FAM149A: variants seen among roughly 807,000 people sequenced by gnomAD.
FAM149A encodes the protein protein FAM149A.
FAM149A carries 71 observed loss-of-function variants against 78.2 expected under a neutral mutation model. The ratio of observed to expected loss-of-function variants is 0.91; its 90% CI spans 0.75 to 1.11. The LOEUF (loss-of-function observed/expected upper bound fraction) is 1.11, where lower values mean the gene tolerates loss of function less well. Among genes scored for constraint, FAM149A ranks in the 50% least tolerant of loss-of-function variants. The pLI, the probability that FAM149A is intolerant of heterozygous loss-of-function variation, is 0.00. For synonymous variants in FAM149A, 446 were observed against 410.5 expected (o/e 1.09, Z -1.04); for missense variants, 1,036 against 971.0 (o/e 1.07, Z -0.89).
chr4:186,148,128 A>C (rs1262678096), intron 1 of FAM149A, among the ~76,000 whole-genome samples: 1 of 152,014 alleles, frequency 6.6e-6, no homozygotes, highest in Admixed American at 6.6e-5. Flanking sequence ...GGAGTTCGAG[A>C]CCAGCCTGGC....
intron 1 of FAM149A, chr4:186,109,192 A>T (rs1248528694): frequency 1.0e-6 from 1 of 985,176 alleles, no homozygotes; most frequent in Admixed American, 6.2e-5. Flanking sequence ...ATTCCTAGCA[A>T]TACGTAAGGT....
intron 8 of FAM149A, chr4:186,158,555 A>G: frequency 1.1e-6 from 1 of 917,536 alleles, no homozygotes; most frequent in Non-Finnish European, 1.3e-6. Flanking sequence ...GCCAAGGGGG[A>G]GTTTCAGGGG....
chr4:186,119,658 AT>A (rs746511779), intron 1 of FAM149A, among the ~76,000 whole-genome samples: 3 of 152,242 alleles, frequency 2.0e-5, no homozygotes, highest in African/African-American at 4.8e-5. Flanking sequence ...AATGTCAGTC[AT>A]GAGGATGAGG....
Position 186,105,281 on chromosome 4 carries a change from T to A in FAM149A, c.205T>A (p.Ser69Thr). The A allele has an allele frequency of 1.7e-6, 2 of 1,189,956 alleles. No individual in the cohort carries two copies. Among genetic ancestry groups the A allele is most frequent in the South Asian group, 1.5e-5 (1 of 65,762 alleles). The allele number at this position is 1,189,956 out of a possible 1,614,324, so 73.7% of individuals were successfully genotyped here. ...GGACTCCCCCTCCGCCTCGCGGCGG[T>A]CGCCCGCCCCGCTGCTCTCCTCCCC... Residue 69 changes from serine (S) to threonine (T), a missense_variant, in exon 1 of 14, where the codon TCG becomes ACG. Physicochemically the swap from Ser to Thr is moderately conservative, Grantham distance 58. Around this residue, in one of 3 missense-constraint regions of FAM149A, gnomAD observed 316 missense variants for 241.9 expected, o/e 1.31. Transcript: ENST00000389354.
At chr4:186,116,333 A>G (rs553158066) in intron 1 of FAM149A, 3 of 345,878 alleles carry the variant, frequency 8.7e-6, no homozygotes, top group African/African-American at 6.8e-5. Context: ...CTCAGATGGA[A>G]ATGCAGAAAT....
intron 13 of FAM149A, among the ~76,000 whole-genome samples, chr4:186,170,170 A>G (rs887044915): frequency 3.9e-5 from 6 of 152,118 alleles, no homozygotes; most frequent in African/African-American, 1.4e-4. Context: ...GAGGGCAGAG[A>G]TGCCCAGGGC....
At chr4:186,150,049 T>A (rs953315853) in intron 3 of FAM149A, among the ~76,000 whole-genome samples, 2 of 152,172 alleles carry the variant, frequency 1.3e-5, no homozygotes, top group African/African-American at 4.8e-5. Context: ...GCTGGAAAAG[T>A]AAAAGCTGTG....
At position 186,163,469 on chromosome 4, in the gene FAM149A, C is replaced by T. The variant is rs370698017; in HGVS notation, c.1725C>T (p.Leu575=). 3.1e-4 allele frequency: 497 copies of T among 1,613,932 alleles called. No homozygotes were observed. Among genetic ancestry groups the T allele is most frequent in the Non-Finnish European group, 4.1e-4 (478 of 1,180,026 alleles). The change falls in exon 10 of 14, where the codon CTC becomes CTT. Residue 575 remains leucine, a synonymous_variant. Coordinates refer to ENST00000389354, the MANE Select transcript of FAM149A (RefSeq NM_001367768.3). ...CATCGGGTGGAGGGGCAGGTGCTCT[C>T]TCCTCCGCACCGCACAGACTGGGAC...
rs147989781 is a variant in FAM149A, at chr4:186,153,710, C to A, written c.998C>A (p.Pro333His). 6 of 1,614,020 alleles carry A rather than the reference C, an allele frequency of 3.7e-6. No homozygotes were observed. In the African/African-American group the frequency reaches 8.0e-5, roughly 22 times the overall value. ...GTCCAGCATTTCCAGGGCAGCACTCCTGCCTCCGCAGTCCACAGACCCCCG... is the reference window on the plus strand; with the variant it reads ...GTCCAGCATTTCCAGGGCAGCACTCATGCCTCCGCAGTCCACAGACCCCCG... Residue 333 changes from proline to histidine, a missense_variant, in exon 5 of 14, where the codon CCT (proline) becomes CAT (histidine). Physicochemically the swap from Pro to His is moderately conservative, Grantham distance 77. Coordinates refer to ENST00000389354, the MANE Select transcript of FAM149A (RefSeq NM_001367768.3).
chr4:186,110,313 T>C, intron 1 of FAM149A: 1 of 977,966 alleles, frequency 1.0e-6, no homozygotes, highest in Non-Finnish European at 1.2e-6. Context: ...CCAAAGTTAG[T>C]AATGCTTGCT....
intron 1 of FAM149A, among the ~76,000 whole-genome samples, chr4:186,139,694 T>C (rs940855369): frequency 2.0e-5 from 3 of 152,216 alleles, no homozygotes; most frequent in Non-Finnish European, 4.4e-5. Context: ...TATTTTGTCA[T>C]AGCAGCCCAG....
At chr4:186,163,806 C>T (rs1734800911) in intron 10 of FAM149A, among the ~76,000 whole-genome samples, 173 bp downstream of exon 10, 1 of 152,194 alleles carries the variant, frequency 6.6e-6, no homozygotes, top group Non-Finnish European at 1.5e-5. Context: ...GTCTACTTAG[C>T]TGTATCCTAG....
At chr4:186,106,516 T>G (rs2099308813) in intron 1 of FAM149A, among the ~76,000 whole-genome samples, 1 of 152,186 alleles carries the variant, frequency 6.6e-6, no homozygotes, top group Admixed American at 6.6e-5. Flanking sequence ...AGACTGAGGT[T>G]TCTGCATTGT....
At chr4:186,120,336 C>T (rs116235681) in intron 1 of FAM149A, among the ~76,000 whole-genome samples, 1 of 152,064 alleles carries the variant, frequency 6.6e-6, no homozygotes, top group African/African-American at 2.4e-5. Context: ...AGATTGAATT[C>T]CTGGAAATCA....
intron 1 of FAM149A, chr4:186,147,062 C>A: frequency 1.3e-6 from 1 of 780,544 alleles, no homozygotes; most frequent in Non-Finnish European, 1.6e-6. Context: ...AACACAGCAT[C>A]TTCGTAGAGT....
intron 1 of FAM149A, among the ~76,000 whole-genome samples, chr4:186,120,092 AT>A (rs1192008798): frequency 6.6e-6 from 1 of 152,232 alleles, no homozygotes; most frequent in Admixed American, 6.5e-5. Flanking sequence ...GAATGTGATC[AT>A]TGATCAACTA....
At chr4:186,108,410 C>G (rs2099309656) in intron 1 of FAM149A, among the ~76,000 whole-genome samples, 1 of 134,502 alleles carries the variant, frequency 7.4e-6, no homozygotes, top group Non-Finnish European at 1.6e-5. Context: ...CTGTACTTGG[C>G]TTTAAAAAAA....
rs1464056185 is a variant in FAM149A, at chr4:186,133,371, CA to C, written c.567-15801del. ...GTAACTCCCCGTTCCTTCCTCTCCT[CA>C]GCACCTGGCAACCACCATTCTGCTT... On this transcript the variant is annotated intron_variant, in intron 1 of 13. Transcript: ENST00000389354. 5.6e-5 allele frequency: 10 copies of C among 177,218 alleles called. No individual in the cohort carries two copies. In the East Asian group the frequency reaches 1.9e-3, roughly 34 times the overall value. 11.0% of individuals were successfully genotyped at this position (177,218 alleles called of 1,614,324 possible). A position where few individuals can be genotyped will look rare whatever the true frequency, so the allele number is the denominator to read the frequency against.
chr4:186,168,648 G>A (rs560626775), intron 13 of FAM149A, among the ~76,000 whole-genome samples: 39 of 152,288 alleles, frequency 2.6e-4, no homozygotes, highest in Non-Finnish European at 5.0e-4. Context: ...GAGCCACTGC[G>A]CCCAGCCCAG....
Sources: gnomAD v4.1 joint callset for allele counts (sites outside exome capture counted in the v4.1 genomes callset) on GRCh38, gnomAD v4.1.1 for gene constraint, gnomAD v4.1.1 regional missense constraint, MANE v1.5 for transcripts, NCBI Gene and HGNC (gene_info 2026-07-23, HGNC 2026-07-21) for gene names.